The following ENOX2 variants were observed in gnomAD, a reference collection of about 807,000 sequenced individuals.
ENOX2 encodes the protein APK1 antigen.
ENOX2 carries 36 observed loss-of-function variants against 45.0 expected under a neutral mutation model. The ratio of observed to expected loss-of-function variants is 0.80; its 90% CI spans 0.61 to 1.06. The LOEUF (loss-of-function observed/expected upper bound fraction) is 1.06. Among genes scored for constraint, ENOX2 ranks in the 50% least tolerant of loss-of-function variants. The pLI is 0.00. For missense variants in ENOX2, 423 were observed against 462.5 expected, an observed-to-expected ratio of 0.91 and a Z score of 0.78; for synonymous variants, 174 against 152.3, an observed-to-expected ratio of 1.14 and a Z score of -1.05.
At chrX:130,835,160 A>C (rs1440688547) in intron 2 of ENOX2, among the ~76,000 whole-genome samples, 4 of 111,603 alleles carry the variant, frequency 3.6e-5, no homozygotes, top group Non-Finnish European at 7.5e-5. Flanking sequence ...CTAGCTTAAT[A>C]AAATTAAGAT....
intron 3 of ENOX2, among the ~76,000 whole-genome samples, chrX:130,717,841 C>T (rs918074055): frequency 2.7e-5 from 3 of 111,774 alleles, no homozygotes; most frequent in African/African-American, 6.5e-5. Context: ...GTACCCCTCC[C>T]TAATCGCTTC....
At position 130,756,300 on chromosome X, in the gene ENOX2, T is replaced by G. The variant is rs975958364; in HGVS notation, c.-39+27247A>C. 8.9e-5 allele frequency among the ~76,000 whole-genome samples: 10 copies of G among 112,325 alleles called. No homozygotes were observed. The South Asian group carries it at 1.9e-3, about 21-fold the overall frequency. On this transcript the variant is annotated intron_variant, in intron 3 of 14. Coordinates refer to ENST00000394363, the MANE Select transcript of ENOX2 (RefSeq NM_006375.4). ...AGAGGATATTGTACTTTGCTTCAAA[T>G]TGCTGCCTGCGGATGTTGTACCCTT...
chrX:130,652,381 T>G (rs181290206), intron 10 of ENOX2, among the ~76,000 whole-genome samples: 1 of 111,973 alleles, frequency 8.9e-6, no homozygotes, highest in Admixed American at 9.5e-5. Context: ...TTGCTCTTCT[T>G]TCACTTGTCT....
chrX:130,721,425 T>C (rs1003451323), intron 3 of ENOX2, among the ~76,000 whole-genome samples: 9 of 112,462 alleles, frequency 8.0e-5, no homozygotes, highest in African/African-American at 2.9e-4. Flanking sequence ...ATAGTATATC[T>C]GCAGGGAGGG....
intron 2 of ENOX2, among the ~76,000 whole-genome samples, chrX:130,899,449 G>C (rs1288264626): frequency 8.9e-6 from 1 of 112,140 alleles, no homozygotes; most frequent in Non-Finnish European, 1.9e-5. Context: ...TCACAGTCTA[G>C]TGGGGAACAC....
intron 2 of ENOX2, among the ~76,000 whole-genome samples, chrX:130,889,618 GA>G (rs2078955762): frequency 9.0e-6 from 1 of 111,426 alleles, no homozygotes; most frequent in African/African-American, 3.3e-5. Context: ...GGAGAAAAGA[GA>G]AAATGAATCT....
chrX:130,723,884 T>G (rs2038542660), intron 3 of ENOX2, among the ~76,000 whole-genome samples: 1 of 111,724 alleles, frequency 9.0e-6, no homozygotes, highest in Non-Finnish European at 1.9e-5. Flanking sequence ...CGGGCACCCT[T>G]GCTATTTTCC....
intron 13 of ENOX2, 106 bp downstream of exon 13, chrX:130,631,362 A>G (rs148439597): frequency 2.0e-6 from 1 of 507,905 alleles, no homozygotes; most frequent in African/African-American, 2.3e-5. Context: ...TTGCGCTGCC[A>G]TGCTTCATAA....
intron 2 of ENOX2, among the ~76,000 whole-genome samples, chrX:130,891,175 T>TTAAA (rs1051575164): frequency 1.8e-5 from 2 of 110,763 alleles, no homozygotes; most frequent in African/African-American, 3.3e-5. Context: ...ATCCCACCTC[T>TTAAA]TAAATAAATA....
intron 12 of ENOX2, among the ~76,000 whole-genome samples, chrX:130,634,485 T>C (rs1317494536): frequency 2.7e-5 from 3 of 111,958 alleles, no homozygotes; most frequent in South Asian, 3.8e-4. Context: ...GTCTCATTTT[T>C]TTTCCCCAAG....
At chrX:130,648,600 A>T (rs1354556458) in intron 10 of ENOX2, among the ~76,000 whole-genome samples, 1 of 111,357 alleles carries the variant, frequency 9.0e-6, no homozygotes, top group African/African-American at 3.3e-5. Flanking sequence ...TTTGGTTATG[A>T]TTTATTTTTC....
rs759750848 is a variant in ENOX2, at chrX:130,665,628, T to C, written c.1014+15A>G. 2.6e-6 allele frequency: 3 copies of C among 1,155,552 alleles called. No individual in the cohort carries two copies. Among genetic ancestry groups the C allele is most frequent in the South Asian group, 1.9e-5 (1 of 53,592 alleles). On this transcript the variant is annotated intron_variant, in intron 9 of 14. Coordinates refer to ENST00000394363, the MANE Select transcript of ENOX2 (RefSeq NM_006375.4). Reference sequence around the variant, plus strand: ...CTGTCCCCCCAAGGGGCTACCAGAATAAAAAGTTACCAACCTCAGCTTGTT... The same window carrying C: ...CTGTCCCCCCAAGGGGCTACCAGAACAAAAAGTTACCAACCTCAGCTTGTT...
At chrX:130,672,016 T>C (rs2037003278) in intron 6 of ENOX2, among the ~76,000 whole-genome samples, 1 of 111,656 alleles carries the variant, frequency 9.0e-6, no homozygotes, top group Non-Finnish European at 1.9e-5. Context: ...GTGATGCAGA[T>C]AATTTAATTA....
intron 2 of ENOX2, among the ~76,000 whole-genome samples, chrX:130,850,124 T>C (rs979924792): frequency 1.8e-5 from 2 of 112,065 alleles, no homozygotes; most frequent in Non-Finnish European, 3.8e-5. Context: ...GTCCAACATG[T>C]TGAATATCTA....
chrX:130,819,013 A>C (rs1399754963), intron 2 of ENOX2, among the ~76,000 whole-genome samples: 1 of 112,370 alleles, frequency 8.9e-6, no homozygotes, highest in Non-Finnish European at 1.9e-5. Flanking sequence ...CAAGGAACTT[A>C]AACAAATTTA....
intron 2 of ENOX2, among the ~76,000 whole-genome samples, chrX:130,898,493 CGTGT>C (rs966089547): frequency 1.3e-4 from 14 of 108,864 alleles, no homozygotes; most frequent in African/African-American, 4.0e-4. Flanking sequence ...TGTGCGTGTG[CGTGT>C]GTGTGTGCGT....
At chrX:130,673,452 G>T (rs1461851953) in intron 6 of ENOX2, among the ~76,000 whole-genome samples, 6 of 107,624 alleles carry the variant, frequency 5.6e-5, no homozygotes, top group Non-Finnish European at 1.2e-4. Context: ...AACAATGCAG[G>T]ATATGAAAGA....
At chrX:130,632,366 G>GGGA (rs1556405716) in intron 12 of ENOX2, among the ~76,000 whole-genome samples, 1 of 38,510 alleles carries the variant, frequency 2.6e-5, no homozygotes, top group African/African-American at 8.6e-5. Context: ...GGAAGGGGCG[G>GGGA]GGGGGGGGGG....
intron 2 of ENOX2, among the ~76,000 whole-genome samples, chrX:130,898,093 C>T (rs1029735391): frequency 1.4e-4 from 16 of 110,669 alleles, no homozygotes; most frequent in South Asian, 7.8e-4. Context: ...CTGCAACCTC[C>T]GCCTCCTGGG....
Sources: allele counts gnomAD v4.1 joint callset (sites outside exome capture counted in the v4.1 genomes callset), GRCh38; gene constraint gnomAD v4.1.1; transcripts MANE v1.5; gene names NCBI Gene and HGNC (gene_info 2026-07-23, HGNC 2026-07-21).